The following GADL1 variants were observed in gnomAD, a reference collection of about 807,000 sequenced individuals.
The protein encoded by GADL1 is GAD like acidic amino acid decarboxylase 1.
GADL1 carries 71 observed loss-of-function variants against 69.5 expected under a neutral mutation model. The ratio of observed to expected loss-of-function variants is 1.02; its 90% CI spans 0.84 to 1.25. GADL1 has a LOEUF of 1.25. Ranked by LOEUF, GADL1 falls within the 50% of genes most tolerant of loss-of-function variation. GADL1 has a pLI of 0.00. For missense variants in GADL1, 737 were observed against 631.8 expected, an observed-to-expected ratio of 1.17 and a Z score of -1.79; for synonymous variants, 254 against 214.4, an observed-to-expected ratio of 1.18 and a Z score of -1.62.
At chr3:30,773,924 A>G (rs1208866681) in intron 14 of GADL1, among the ~76,000 whole-genome samples, 2 of 152,222 alleles carry the variant, frequency 1.3e-5, no homozygotes, top group African/African-American at 2.4e-5. Flanking sequence ...AGACATCAAC[A>G]TTAAAAACTA....
intron 14 of GADL1, among the ~76,000 whole-genome samples, chr3:30,760,367 T>C (rs908884827): frequency 4.6e-5 from 7 of 152,198 alleles, no homozygotes; most frequent in Non-Finnish European, 1.0e-4. Context: ...TTAGTCTCTT[T>C]TAAATATCAT....
chr3:30,817,051 G>A (rs57896382), intron 11 of GADL1, among the ~76,000 whole-genome samples: 161 of 152,176 alleles, frequency 1.1e-3, no homozygotes, highest in African/African-American at 3.6e-3. Context: ...AAAATGAACC[G>A]TAGACATTTT....
intron 14 of GADL1, among the ~76,000 whole-genome samples, chr3:30,758,496 C>A (rs1462938649): frequency 2.6e-5 from 4 of 151,840 alleles, no homozygotes; most frequent in African/African-American, 7.3e-5. Flanking sequence ...CTCTGAGTAA[C>A]TGACAAAAAA....
In GADL1 at chr3:30,833,869, A is replaced by G. The variant is rs1452227785; in HGVS notation, c.1034T>C (p.Leu345Pro). 3 of 1,612,160 alleles carry G rather than the reference A, an allele frequency of 1.9e-6. No homozygotes were observed. Among genetic ancestry groups the G allele is most frequent in the African/African-American group, 1.3e-5 (1 of 74,818 alleles). Residue 345 changes from leucine to proline, a missense_variant, in exon 11 of 15, where the codon CTT becomes CCT. Transcript: ENST00000282538. ...AAAACTTACAGATTTGTCTTTCACA[A>G]GGAGAGCACAGCACTGGATCCCAGC... is the stretch of plus-strand genomic sequence containing the variant. ...LMAGIQCCAL[L>P]VKDKSDLLKK...
chr3:30,727,768 C>G lies in GADL1; in HGVS notation c.*474G>C, dbSNP rs1387232929. On this transcript the variant is annotated 3_prime_UTR_variant, in exon 15 of 15. Transcript: ENST00000282538. ...ATTCCCTGACGGGCTTGTTAAAACA[C>G]AGAATACTGGGCCTCACCCCCAGAG... The G allele has an allele frequency of 6.6e-6, 1 of 152,352 alleles. No individual in the cohort carries two copies. The highest frequency in any genetic ancestry group is 1.5e-5 in the Non-Finnish European group (1 of 68,170). The allele number at this position is 152,352 out of a possible 1,614,324, so 9.4% of individuals were successfully genotyped here.
chr3:30,886,743 G>A (rs1288079567), intron 1 of GADL1, among the ~76,000 whole-genome samples: 1 of 152,184 alleles, frequency 6.6e-6, no homozygotes, highest in Non-Finnish European at 1.5e-5. Context: ...CAGCCTGAAT[G>A]GAGCTTCTGG....
Position 30,855,386 on chromosome 3 carries a change from A to G in GADL1, c.338-597T>C, listed in dbSNP as rs2125534283. Among the ~76,000 whole-genome samples the G allele has an allele frequency of 2.0e-5, 3 of 152,122 alleles. 1 individual carries two copies. The highest frequency in any genetic ancestry group is 4.1e-4 in the South Asian group (2 of 4,820). ...TACTGCCTTTTTTTCTGAAAATATCAATATTAACTTCTCACTTCATATACA... is the reference window on the plus strand; with the variant it reads ...TACTGCCTTTTTTTCTGAAAATATCGATATTAACTTCTCACTTCATATACA... On this transcript the variant is annotated intron_variant, in intron 3 of 14. Coordinates refer to ENST00000282538, the MANE Select transcript of GADL1 (RefSeq NM_207359.3).
At chr3:30,753,484 AAC>A (rs1244583695) in intron 14 of GADL1, among the ~76,000 whole-genome samples, 5 of 145,212 alleles carry the variant, frequency 3.4e-5, no homozygotes, top group African/African-American at 1.0e-4. Context: ...AATCCTAAAA[AAC>A]CAAATTTAAG....
intron 2 of GADL1, among the ~76,000 whole-genome samples, chr3:30,859,126 G>A (rs1231710829): frequency 6.6e-6 from 1 of 151,912 alleles, no homozygotes; most frequent in Non-Finnish European, 1.5e-5. Flanking sequence ...GAGAATGTAG[G>A]AGGTGAAGAA....
At chr3:30,831,428 A>G (rs1311565551) in intron 11 of GADL1, among the ~76,000 whole-genome samples, 1 of 151,962 alleles carries the variant, frequency 6.6e-6, no homozygotes, top group Non-Finnish European at 1.5e-5. Context: ...GTATTAGACA[A>G]GGGTGCATTT....
chr3:30,789,002 A>G (rs1205682735), intron 12 of GADL1, among the ~76,000 whole-genome samples: 11 of 152,190 alleles, frequency 7.2e-5, no homozygotes, highest in African/African-American at 1.4e-4. Flanking sequence ...AATCCCCATT[A>G]TTAGTATTTT....
At chr3:30,862,908 G>T (rs1381728301) in intron 1 of GADL1, among the ~76,000 whole-genome samples, 1 of 151,866 alleles carries the variant, frequency 6.6e-6, no homozygotes, top group Admixed American at 6.6e-5. Context: ...ATCTTGTTTA[G>T]CATCAGGGAG....
At chr3:30,812,909 G>A (rs114899544) in intron 11 of GADL1, among the ~76,000 whole-genome samples, 1,888 of 152,020 alleles carry the variant, frequency 0.012, 48 homozygotes, top group African/African-American at 0.044. Context: ...AGGGAGGTAG[G>A]GTAGATCGGG....
At chr3:30,866,994 G>A (rs946209540) in intron 1 of GADL1, among the ~76,000 whole-genome samples, 4 of 151,946 alleles carry the variant, frequency 2.6e-5, no homozygotes, top group Non-Finnish European at 5.9e-5. Flanking sequence ...GCCCAGACAT[G>A]AGAAGAGCTG....
chr3:30,837,079 G>C (rs545622087), intron 9 of GADL1, among the ~76,000 whole-genome samples: 1 of 151,902 alleles, frequency 6.6e-6, no homozygotes, highest in Non-Finnish European at 1.5e-5. Context: ...ATAAAACATG[G>C]TATGTATGCA....
chr3:30,755,428 G>T (rs1379300984), intron 14 of GADL1, among the ~76,000 whole-genome samples: 1 of 152,100 alleles, frequency 6.6e-6, no homozygotes. Context: ...CTCTAAGCCA[G>T]CACTGGAATA....
At position 30,726,840 on chromosome 3, in the gene GADL1, G is replaced by A. The variant is rs889833443; in HGVS notation, c.*1402C>T. Reference sequence around the variant, plus strand: ...ACTCTCCTAGAAACCTAGGACCAGGGTCAGAGATAGAATTAAAATCACCCA... The same window carrying A: ...ACTCTCCTAGAAACCTAGGACCAGGATCAGAGATAGAATTAAAATCACCCA... On this transcript the variant is annotated 3_prime_UTR_variant, in exon 15 of 15. Transcript: ENST00000282538. The A allele has an allele frequency of 1.3e-5, 2 of 152,278 alleles. No individual in the cohort carries two copies. The highest frequency in any genetic ancestry group is 2.4e-5 in the African/African-American group (1 of 41,346). The allele number at this position is 152,278 out of a possible 1,614,324, so 9.4% of individuals were successfully genotyped here. A position where few individuals can be genotyped will look rare whatever the true frequency, so the allele number is the denominator to read the frequency against.
At chr3:30,829,639 A>C (rs1230984894) in intron 11 of GADL1, among the ~76,000 whole-genome samples, 2 of 151,874 alleles carry the variant, frequency 1.3e-5, no homozygotes, top group East Asian at 3.9e-4. Flanking sequence ...GAAAAATTCA[A>C]ATTCTTAGTT....
At chr3:30,780,032 C>A (rs1266616300) in intron 13 of GADL1, among the ~76,000 whole-genome samples, 2 of 152,164 alleles carry the variant, frequency 1.3e-5, no homozygotes, top group African/African-American at 4.8e-5. Flanking sequence ...TAGCTTCCCC[C>A]AGTACACCCC....
Sources: gnomAD v4.1 joint callset for allele counts (sites outside exome capture counted in the v4.1 genomes callset) on GRCh38, gnomAD v4.1.1 for gene constraint, MANE v1.5 for transcripts, NCBI Gene and HGNC (gene_info 2026-07-23, HGNC 2026-07-21) for gene names.